The following COL19A1 variants were observed in gnomAD, a reference collection of about 807,000 sequenced individuals.
The protein encoded by COL19A1 is collagen type XIX alpha 1 chain.
Under a neutral mutation model 190.2 loss-of-function variants are expected in COL19A1, and 159 were observed. That is an observed-to-expected ratio of 0.84 (90% CI 0.73 to 0.95). The LOEUF (loss-of-function observed/expected upper bound fraction) is 0.95. COL19A1 is among the 40% of genes least tolerant of loss of function. COL19A1 has a pLI of 0.00. For missense variants in COL19A1, 1,418 were observed against 1,431.9 expected, an observed-to-expected ratio of 0.99 and a Z score of 0.16; for synonymous variants, 509 against 458.9, an observed-to-expected ratio of 1.11 and a Z score of -1.39.
intron 12 of COL19A1, among the ~76,000 whole-genome samples, chr6:70,024,722 T>C (rs536186547): frequency 6.6e-6 from 1 of 152,268 alleles, no homozygotes; most frequent in Non-Finnish European, 1.5e-5. Flanking sequence ...TGTTTCACCA[T>C]CATTCTTATT....
chr6:69,941,106 A>G (rs1164021901), intron 9 of COL19A1, among the ~76,000 whole-genome samples: 3 of 152,074 alleles, frequency 2.0e-5, no homozygotes, highest in Non-Finnish European at 2.9e-5. Flanking sequence ...TAAGGGAATC[A>G]GATGTTGTTC....
At chr6:70,050,604 C>A (rs1035112844) in intron 14 of COL19A1, among the ~76,000 whole-genome samples, 2 of 151,986 alleles carry the variant, frequency 1.3e-5, no homozygotes, top group Admixed American at 6.6e-5. Flanking sequence ...TCACCCAATC[C>A]TACAGTGAAA....
chr6:69,954,973 T>C (rs1302113263), intron 9 of COL19A1, among the ~76,000 whole-genome samples: 1 of 152,148 alleles, frequency 6.6e-6, no homozygotes, highest in Non-Finnish European at 1.5e-5. Flanking sequence ...GATGACACTG[T>C]CCTTCTCTTT....
chr6:70,179,456 C>T (rs1328251998), intron 42 of COL19A1, among the ~76,000 whole-genome samples: 1 of 152,188 alleles, frequency 6.6e-6, no homozygotes, highest in Non-Finnish European at 1.5e-5. Flanking sequence ...TCTCGTCCCT[C>T]GCTGTGGTCT....
At chr6:69,900,809 G>T (rs1397600998) in intron 4 of COL19A1, among the ~76,000 whole-genome samples, 1 of 151,992 alleles carries the variant, frequency 6.6e-6, no homozygotes, top group Non-Finnish European at 1.5e-5. Context: ...TAAATAAAAA[G>T]CTGTTTTGTG....
At chr6:70,195,242 T>G (rs1373657591) in intron 48 of COL19A1, among the ~76,000 whole-genome samples, 1 of 151,802 alleles carries the variant, frequency 6.6e-6, no homozygotes, top group African/African-American at 2.4e-5. Flanking sequence ...TGGTTGCAAC[T>G]CTGTTGTTCA....
chr6:70,055,781 TAAAAAAAAAA>T (rs55871207), intron 14 of COL19A1, among the ~76,000 whole-genome samples: 2 of 117,470 alleles, frequency 1.7e-5, no homozygotes, highest in African/African-American at 6.9e-5. Context: ...AACTCTGTAT[TAAAAAAAAAA>T]AAAAAAAAAA....
intron 1 of COL19A1, among the ~76,000 whole-genome samples, chr6:69,870,197 A>G (rs758217468): frequency 1.3e-5 from 2 of 152,334 alleles, no homozygotes; most frequent in African/African-American, 2.4e-5. Context: ...GTATCATTCT[A>G]CAGATTGATC....
At chr6:70,046,351 C>G (rs1779916753) in intron 14 of COL19A1, among the ~76,000 whole-genome samples, 1 of 152,158 alleles carries the variant, frequency 6.6e-6, no homozygotes, top group Non-Finnish European at 1.5e-5. Context: ...TTTTCGGAAT[C>G]TCCAGTGTTT....
chr6:69,879,919 G>A (rs754783115), intron 2 of COL19A1: 1 of 476,382 alleles, frequency 2.1e-6, no homozygotes, highest in Non-Finnish European at 3.7e-6. Context: ...ACATGCATGT[G>A]TGCCTCTGTG....
intron 6 of COL19A1, 97 bp from the exon 7 acceptor site, chr6:69,932,686 C>A: frequency 3.1e-6 from 2 of 638,418 alleles, no homozygotes; most frequent in Non-Finnish European, 2.7e-6. Context: ...TTTATATTAG[C>A]TTCCTTTTTC....
At chr6:70,063,793 A>T (rs1488663373) in intron 14 of COL19A1, among the ~76,000 whole-genome samples, 2 of 152,208 alleles carry the variant, frequency 1.3e-5, no homozygotes, top group Non-Finnish European at 2.9e-5. Flanking sequence ...GATAAAGGGG[A>T]TATCACCACT....
chr6:70,036,000 T>C, intron 14 of COL19A1, 61 bp downstream of exon 14: 6 of 1,486,726 alleles, frequency 4.0e-6, no homozygotes, highest in Non-Finnish European at 5.6e-6. Context: ...ATTATCCATA[T>C]TACATCATGA....
In COL19A1 at chr6:69,921,388, T is replaced by TATATATC. The variant is rs748566547; in HGVS notation, c.267-6507_267-6501dup. ...TATATCATATATATCATATATATCA[T>TATATATC]ATATATCATATATCATATATATCAT... On this transcript the variant is annotated intron_variant, in intron 4 of 50. Coordinates refer to ENST00000620364, the MANE Select transcript of COL19A1 (RefSeq NM_001858.6). Among the ~76,000 whole-genome samples, 4 of 112,690 alleles carry TATATATC rather than the reference T, an allele frequency of 3.5e-5. No individual in the cohort carries two copies. The South Asian group carries it at 1.1e-3, about 30-fold the overall frequency. 73.9% of individuals were successfully genotyped at this position (112,690 alleles called of 152,430 possible).
At chr6:69,947,211 T>C (rs1386737868) in intron 9 of COL19A1, among the ~76,000 whole-genome samples, 2 of 151,850 alleles carry the variant, frequency 1.3e-5, no homozygotes, top group Non-Finnish European at 2.9e-5. Context: ...TATGTAAACA[T>C]TTTATAATAT....
chr6:70,095,555 T>G (rs1783200529), intron 15 of COL19A1, among the ~76,000 whole-genome samples: 1 of 152,214 alleles, frequency 6.6e-6, no homozygotes, highest in Non-Finnish European at 1.5e-5. Context: ...TAACATAAAA[T>G]GTACCATCCT....
chr6:69,876,431 A>G (rs769535557), intron 1 of COL19A1, among the ~76,000 whole-genome samples: 2 of 152,212 alleles, frequency 1.3e-5, no homozygotes, highest in African/African-American at 2.4e-5. Context: ...CCTCAAGCTT[A>G]AGAGACAGGT....
In COL19A1 at chr6:70,096,006, A is replaced by G. The variant is rs550028054; in HGVS notation, c.1225-6163A>G. ...ATACTGCTATGAACATGGGTATGCA[A>G]ATATCTTTTCTTAAAACTGTTTCCA... On this transcript the variant is annotated intron_variant, in intron 15 of 50. Coordinates refer to ENST00000620364, the MANE Select transcript of COL19A1 (RefSeq NM_001858.6). 2.6e-5 allele frequency among the ~76,000 whole-genome samples: 4 copies of G among 152,244 alleles called. No individual in the cohort carries two copies. The South Asian group carries it at 8.3e-4, about 32-fold the overall frequency.
intron 11 of COL19A1, among the ~76,000 whole-genome samples, chr6:70,004,919 G>GC (rs1014581052): frequency 1.4e-4 from 21 of 150,546 alleles, no homozygotes; most frequent in African/African-American, 4.9e-4. Context: ...TGTAAGCTCT[G>GC]CCCCCCGGGT....
Sources: allele counts gnomAD v4.1 joint callset (sites outside exome capture counted in the v4.1 genomes callset), GRCh38; gene constraint gnomAD v4.1.1; transcripts MANE v1.5; gene names NCBI Gene and HGNC (gene_info 2026-07-23, HGNC 2026-07-21).